Variants in PPARG observed in about 807,000 individuals in gnomAD.
The protein encoded by PPARG is peroxisome proliferator-activated receptor gamma.
PPARG carries 17 observed loss-of-function variants against 39.2 expected under a neutral mutation model. The observed-to-expected ratio is 0.43, with a 90% CI of 0.30 to 0.65. PPARG has a LOEUF of 0.65. Among genes scored for constraint, PPARG ranks in the 30% least tolerant of loss-of-function variants. The pLI is 0.13. For missense variants in PPARG, 406 were observed against 585.9 expected (o/e 0.69, Z 3.17); for synonymous variants, 223 against 215.7 (o/e 1.03, Z -0.30).
chr3:12,295,701 G>A (rs1490258675), intron 1 of PPARG, among the ~76,000 whole-genome samples: 2 of 151,832 alleles, frequency 1.3e-5, no homozygotes, highest in Non-Finnish European at 2.9e-5. Flanking sequence ...TTTTATTAGA[G>A]ACGGGGTTTC....
chr3:12,375,439 C>A (rs2049373016), intron 2 of PPARG, among the ~76,000 whole-genome samples: 1 of 152,204 alleles, frequency 6.6e-6, no homozygotes, highest in Admixed American at 6.5e-5. Context: ...AAAGCATATC[C>A]ACTACCTTTA....
At chr3:12,333,107 T>C (rs1488582184) in intron 2 of PPARG, among the ~76,000 whole-genome samples, 1 of 152,166 alleles carries the variant, frequency 6.6e-6, no homozygotes, top group Non-Finnish European at 1.5e-5. Context: ...GCATAGGTGA[T>C]CTTTCTAGTG....
intron 2 of PPARG, among the ~76,000 whole-genome samples, chr3:12,324,566 A>G (rs190853794): frequency 6.6e-6 from 1 of 152,286 alleles, no homozygotes; most frequent in African/African-American, 2.4e-5. Context: ...CCCATATGTT[A>G]GACAGGTTAA....
intron 1 of PPARG, among the ~76,000 whole-genome samples, chr3:12,299,907 C>T (rs12631028): frequency 0.29 from 43,328 of 151,932 alleles, 6,382 homozygotes; most frequent in East Asian, 0.49. Flanking sequence ...CTATTTTAAA[C>T]GACCAAATTA....
intron 2 of PPARG, chr3:12,351,755 C>T: frequency 8.8e-7 from 1 of 1,130,896 alleles, no homozygotes; most frequent in Non-Finnish European, 1.3e-6. Context: ...GTTTGTCTTC[C>T]AGGTTGTGTT....
intron 2 of PPARG, among the ~76,000 whole-genome samples, chr3:12,317,321 T>A (rs892181242): frequency 6.6e-6 from 1 of 152,224 alleles, no homozygotes; most frequent in Non-Finnish European, 1.5e-5. Flanking sequence ...TCATTTTTAT[T>A]ACTAAAAAGC....
intron 6 of PPARG, among the ~76,000 whole-genome samples, chr3:12,407,377 G>T (rs1313439393): frequency 6.6e-6 from 1 of 152,162 alleles, no homozygotes; most frequent in African/African-American, 2.4e-5. Flanking sequence ...TGGCCAGGAT[G>T]GTCTTGATCT....
intron 4 of PPARG, among the ~76,000 whole-genome samples, chr3:12,391,125 C>T (rs904662238): frequency 7.9e-5 from 12 of 152,288 alleles, no homozygotes; most frequent in Non-Finnish European, 1.2e-4. Flanking sequence ...AAGGAAGTTA[C>T]GTGACATCTG....
intron 4 of PPARG, among the ~76,000 whole-genome samples, chr3:12,390,059 C>A (rs1278084834): frequency 2.0e-5 from 3 of 152,072 alleles, no homozygotes; most frequent in Admixed American, 1.3e-4. Flanking sequence ...TTAAAAAAGT[C>A]TAAAATTCAG....
At chr3:12,321,385 A>G (rs560342965) in intron 2 of PPARG, among the ~76,000 whole-genome samples, 3 of 152,274 alleles carry the variant, frequency 2.0e-5, no homozygotes, top group African/African-American at 7.2e-5. Flanking sequence ...AGCAAATGAG[A>G]GTCTAAGAAT....
intron 1 of PPARG, among the ~76,000 whole-genome samples, chr3:12,292,306 G>A (rs917320731): frequency 6.6e-6 from 1 of 152,138 alleles, no homozygotes; most frequent in Non-Finnish European, 1.5e-5. Context: ...GGCACAGATT[G>A]TGCGCTTTGA....
chr3:12,298,298 C>CAAA (rs58459399), intron 1 of PPARG, among the ~76,000 whole-genome samples: 18 of 41,354 alleles, frequency 4.4e-4, no homozygotes, highest in African/African-American at 7.8e-4. Context: ...GACTCTGTCT[C>CAAA]AAAAAAAAAA....
chr3:12,423,435 C>T (rs1453822621), intron 7 of PPARG, among the ~76,000 whole-genome samples: 1 of 152,222 alleles, frequency 6.6e-6, no homozygotes, highest in African/African-American at 2.4e-5. Context: ...TGTCCCATAG[C>T]TGCCCTTCAA....
At chr3:12,404,102 A>G (rs1433704012) in intron 5 of PPARG, among the ~76,000 whole-genome samples, 1 of 152,198 alleles carries the variant, frequency 6.6e-6, no homozygotes, top group African/African-American at 2.4e-5. Context: ...CAACACAGAA[A>G]GAAAATGGGG....
intron 3 of PPARG, among the ~76,000 whole-genome samples, chr3:12,380,547 A>G (rs1687053548): frequency 6.6e-6 from 1 of 152,220 alleles, no homozygotes; most frequent in Non-Finnish European, 1.5e-5. Context: ...CTTGATTTTT[A>G]TCATGTGTGG....
intron 2 of PPARG, among the ~76,000 whole-genome samples, chr3:12,341,002 G>A (rs1463382778): frequency 6.6e-6 from 1 of 152,062 alleles, no homozygotes; most frequent in African/African-American, 2.4e-5. Flanking sequence ...GGCCAATATG[G>A]TGAAACCTAG....
chr3:12,357,210 C>T (rs887914181), intron 2 of PPARG, among the ~76,000 whole-genome samples: 2 of 152,088 alleles, frequency 1.3e-5, no homozygotes, highest in South Asian at 2.1e-4. Context: ...AGTGGTTCCC[C>T]ATTTCACTTG....
chr3:12,308,789 C>T (rs1484541023), intron 1 of PPARG, among the ~76,000 whole-genome samples: 1 of 151,858 alleles, frequency 6.6e-6, no homozygotes, highest in Non-Finnish European at 1.5e-5. Flanking sequence ...TACCAGCATG[C>T]CACTGAGAAA....
intron 4 of PPARG, among the ~76,000 whole-genome samples, chr3:12,388,647 A>G (rs1179567613): frequency 6.6e-6 from 1 of 152,210 alleles, no homozygotes; most frequent in East Asian, 1.9e-4. Context: ...TGAGAAGCTA[A>G]CCATCTTGAA....
Sources: allele counts gnomAD v4.1 joint callset (sites outside exome capture counted in the v4.1 genomes callset), GRCh38; gene constraint gnomAD v4.1.1; transcripts MANE v1.5; gene names NCBI Gene and HGNC (gene_info 2026-07-23, HGNC 2026-07-21).